Variants in CERT1 observed in about 807,000 individuals in gnomAD.
The protein encoded by CERT1 is ceramide transporter 1, also known as ceramide transfer protein.
A neutral mutation model predicts 87.9 loss-of-function variants in CERT1; 31 were observed. The observed-to-expected ratio is 0.35, with a 90% CI of 0.27 to 0.48. The LOEUF is 0.48. Among genes scored for constraint, CERT1 ranks in the 20% least tolerant of loss-of-function variants. The pLI is 0.99. For missense variants in CERT1, 487 were observed against 758.0 expected, an observed-to-expected ratio of 0.64 and a Z score of 4.20; for synonymous variants, 289 against 250.9, an observed-to-expected ratio of 1.15 and a Z score of -1.44.
At position 75,511,181 on chromosome 5, in the gene CERT1, C is replaced by A; in HGVS notation, c.27G>T (p.Ser9=). The change falls in exon 1 of 17, where the codon TCG becomes TCT. Residue 9 remains serine (S), a synonymous_variant. Coordinates refer to ENST00000643780, the MANE Select transcript of CERT1 (RefSeq NM_001379029.1). ...TCTCTGGATCCTCCTCCGAGCCCGA[C>A]GAGTTCCAGCTCTGATTATCCGACA... MSDNQSWN[S]SGSEEDPETE... 1.2e-6 allele frequency: 2 copies of A among 1,612,780 alleles called. No individual in the cohort carries two copies. Among genetic ancestry groups the A allele is most frequent in the Non-Finnish European group, 1.7e-6 (2 of 1,179,708 alleles).
intron 2 of CERT1, among the ~76,000 whole-genome samples, chr5:75,481,499 G>A (rs1377605213): frequency 6.6e-6 from 1 of 152,064 alleles, no homozygotes; most frequent in East Asian, 1.9e-4. Context: ...AATAAAAGAT[G>A]TTAAAATAAC....
At chr5:75,450,037 CT>C (rs1159435913) in intron 3 of CERT1, among the ~76,000 whole-genome samples, 4 of 152,146 alleles carry the variant, frequency 2.6e-5, no homozygotes, top group Admixed American at 6.5e-5. Context: ...CTTCCCAATC[CT>C]TTTACTATCT....
Position 75,399,330 on chromosome 5 carries a change from C to T in CERT1, c.1168G>A (p.Val390Ile), listed in dbSNP as rs751379114. Residue 390 changes from valine to isoleucine, a missense_variant, in exon 11 of 17, where the codon GTT becomes ATT. By Grantham distance (29) the Val-to-Ile change is conservative (BLOSUM62 3). Around this residue, in one of 8 missense-constraint regions of CERT1, gnomAD observed 91 missense variants for 86.7 expected, o/e 1.05. Coordinates refer to ENST00000643780, the MANE Select transcript of CERT1 (RefSeq NM_001379029.1). ...SIDLVSASDD[V>I]HRFSSQVEEM... Reference sequence around the variant, plus strand: ...AGTACCTGGGAGCTGAATCTGTGAACATCATCAGAGGCACTGACTAGATCA... The same window carrying T: ...AGTACCTGGGAGCTGAATCTGTGAATATCATCAGAGGCACTGACTAGATCA... 1 of 1,612,470 alleles carries T rather than the reference C, an allele frequency of 6.2e-7. No homozygotes were observed. Among genetic ancestry groups the T allele is most frequent in the South Asian group, 1.1e-5 (1 of 91,058 alleles).
intron 3 of CERT1, among the ~76,000 whole-genome samples, chr5:75,440,189 T>C (rs1165777837): frequency 6.6e-6 from 1 of 152,004 alleles, no homozygotes; most frequent in African/African-American, 2.4e-5. Flanking sequence ...GAAAGAAAAC[T>C]AACTTTATAA....
At chr5:75,467,412 T>A (rs903069120) in intron 2 of CERT1, among the ~76,000 whole-genome samples, 1 of 151,850 alleles carries the variant, frequency 6.6e-6, no homozygotes, top group South Asian at 2.1e-4. Flanking sequence ...GAGGCTGAGG[T>A]GGGCAGATAG....
intron 3 of CERT1, among the ~76,000 whole-genome samples, chr5:75,456,722 C>A (rs1580796361): frequency 1.3e-5 from 2 of 149,582 alleles, no homozygotes; most frequent in East Asian, 3.9e-4. Flanking sequence ...CACAACCCTG[C>A]AGTTGAGTAT....
chr5:75,379,005 C>A lies in CERT1; in HGVS notation c.*341G>T. On this transcript the variant is annotated 3_prime_UTR_variant, in exon 17 of 17. Transcript: ENST00000643780. ...ACCAGCTTGGGTAACATAGCAAGACCCCTATCTCTACAAAAAATAAAAAAT... is the reference window on the plus strand; with the variant it reads ...ACCAGCTTGGGTAACATAGCAAGACACCTATCTCTACAAAAAATAAAAAAT... The A allele has an allele frequency of 5.6e-6, 1 of 179,920 alleles. No homozygotes were observed. Among genetic ancestry groups the A allele is most frequent in the South Asian group, 1.3e-4 (1 of 7,740 alleles). 11.1% of individuals were successfully genotyped at this position (179,920 alleles called of 1,614,324 possible).
rs558803532 is a variant in CERT1, at chr5:75,432,449, T to C, written c.349-5971A>G. Among the ~76,000 whole-genome samples the C allele has an allele frequency of 2.0e-5, 3 of 152,344 alleles. No homozygotes were observed. In the South Asian group the frequency reaches 6.2e-4, roughly 32 times the overall value. ...ATTGGTGAGATGGTTCTGATTTACA[T>C]TTATCTAACAAACAGTGATGTTGAA... On this transcript the variant is annotated intron_variant, in intron 3 of 16. Transcript: ENST00000643780.
downstream of CERT1, chr5:75,374,354 C>T: frequency 1.9e-6 from 1 of 522,522 alleles, no homozygotes; most frequent in East Asian, 3.0e-5. Flanking sequence ...AATTATTAAC[C>T]TTACAAATTT....
Position 75,382,089 on chromosome 5 carries a change from T to G in CERT1, c.1489-12A>C. On this transcript the variant is annotated splice_polypyrimidine_tract_variant and intron_variant, in intron 14 of 16. Coordinates refer to ENST00000643780, the MANE Select transcript of CERT1 (RefSeq NM_001379029.1). ...GCAGGCCACACCCTCTGTGGAGAAGTAAAAATCTTTTGAAAAACAGATCTA... is the reference window on the plus strand; with the variant it reads ...GCAGGCCACACCCTCTGTGGAGAAGGAAAAATCTTTTGAAAAACAGATCTA... 6.2e-7 allele frequency: 1 copy of G among 1,606,014 alleles called. No homozygotes were observed.
Position 75,498,823 on chromosome 5 carries a change from A to G in CERT1, c.231+7159T>C, listed in dbSNP as rs549850227. Among the ~76,000 whole-genome samples, 101 of 152,294 alleles carry G rather than the reference A, an allele frequency of 6.6e-4. 1 individual carries two copies. Among genetic ancestry groups the G allele is most frequent in the African/African-American group, 2.4e-3 (98 of 41,558 alleles). On this transcript the variant is annotated intron_variant, in intron 2 of 16. Transcript: ENST00000643780. ...CAGTACCTAGTAGAGCTGTGAGAAG[A>G]GGGCCACTGTCCTCCAGATCCCAGA...
intron 11 of CERT1, among the ~76,000 whole-genome samples, chr5:75,396,710 CAA>C (rs1371492319): frequency 1.1e-5 from 1 of 94,616 alleles, no homozygotes; most frequent in African/African-American, 4.7e-5. Flanking sequence ...GCCTGGGCAA[CAA>C]AAGCGAAACT....
At chr5:75,446,534 G>C (rs1265787230) in intron 3 of CERT1, among the ~76,000 whole-genome samples, 2 of 151,956 alleles carry the variant, frequency 1.3e-5, no homozygotes, top group Non-Finnish European at 2.9e-5. Flanking sequence ...TTTTTCCCTT[G>C]AAAAAGCCAC....
Position 75,382,106 on chromosome 5 carries a change from A to G in CERT1, c.1489-29T>C, listed in dbSNP as rs933788592. ...TGGAGAAGTAAAAATCTTTTGAAAAACAGATCTAACATGGAACTAACAAGA... is the reference window on the plus strand; with the variant it reads ...TGGAGAAGTAAAAATCTTTTGAAAAGCAGATCTAACATGGAACTAACAAGA... On this transcript the variant is annotated intron_variant, in intron 14 of 16. Transcript: ENST00000643780. The G allele has an allele frequency of 1.6e-5, 26 of 1,602,578 alleles. 1 individual carries two copies. The highest frequency in any genetic ancestry group is 1.7e-4 in the Middle Eastern group (1 of 5,956).
chr5:75,489,735 A>G (rs79460789), intron 2 of CERT1, among the ~76,000 whole-genome samples: 12,032 of 152,292 alleles, frequency 0.079, 573 homozygotes, highest in South Asian at 0.17. Flanking sequence ...TCAGGAAACA[A>G]TAGATGCTGG....
chr5:75,394,912 CAT>C (rs1490170764), intron 11 of CERT1, among the ~76,000 whole-genome samples: 7 of 152,000 alleles, frequency 4.6e-5, no homozygotes, highest in Non-Finnish European at 8.8e-5. Flanking sequence ...ATATTTATCT[CAT>C]ATATATGAGA....
rs540939894 is a variant in CERT1 at position 75,378,387 on chromosome 5, T to C, written c.*959A>G. The C allele has an allele frequency of 6.6e-6, 1 of 152,358 alleles. No homozygotes were observed. Among genetic ancestry groups the C allele is most frequent in the Admixed American group, 6.5e-5 (1 of 15,296 alleles). The allele number at this position is 152,358 out of a possible 1,614,324, so 9.4% of individuals were successfully genotyped here. A position where few individuals can be genotyped will look rare whatever the true frequency, so the allele number is the denominator to read the frequency against. ...GTGAGCCAAGATTGCACCACTGCAC[T>C]CCAGCCTGGGCAGCAAGAGAGAAAC... On this transcript the variant is annotated 3_prime_UTR_variant, in exon 17 of 17. Transcript: ENST00000643780.
At chr5:75,489,002 T>C (rs988619462) in intron 2 of CERT1, among the ~76,000 whole-genome samples, 3 of 151,804 alleles carry the variant, frequency 2.0e-5, no homozygotes, top group Non-Finnish European at 2.9e-5. Flanking sequence ...CAAACTATAC[T>C]ACAAGGCTAC....
chr5:75,390,942 T>C (rs1762005142), intron 11 of CERT1, among the ~76,000 whole-genome samples: 3 of 151,708 alleles, frequency 2.0e-5, no homozygotes, highest in African/African-American at 4.8e-5. Flanking sequence ...TAGCTAAAAC[T>C]ATATGCCTGT....
Sources: allele counts gnomAD v4.1 joint callset (sites outside exome capture counted in the v4.1 genomes callset), GRCh38; gene constraint gnomAD v4.1.1; regional missense constraint gnomAD v4.1.1; transcripts MANE v1.5; gene names NCBI Gene and HGNC (gene_info 2026-07-23, HGNC 2026-07-21).